The following PBX1 variants were observed in gnomAD, a reference collection of about 807,000 sequenced individuals.
PBX1 encodes PBX homeobox 1, also known as pre-B-cell leukemia transcription factor 1.
PBX1 carries 6 observed loss-of-function variants against 53.4 expected under a neutral mutation model. The observed-to-expected ratio is 0.11, with a 90% CI of 0.06 to 0.22. The LOEUF (loss-of-function observed/expected upper bound fraction) is 0.22, where lower values mean the gene tolerates loss of function less well. Ranked by LOEUF, PBX1 falls within the 10% of genes least tolerant of loss-of-function variation. The pLI is 1.00. For synonymous variants in PBX1, 204 were observed against 212.3 expected (o/e 0.96, Z 0.34); for missense variants, 251 against 551.4 (o/e 0.46, Z 5.46).
chr1:164,845,413 C>T (rs1671520653), intron 8 of PBX1, among the ~76,000 whole-genome samples: 1 of 151,748 alleles, frequency 6.6e-6, no homozygotes, highest in Non-Finnish European at 1.5e-5. Flanking sequence ...CCCATCTCCC[C>T]CAAATTTTTC....
At chr1:164,796,077 G>A (rs190500690) in intron 3 of PBX1, among the ~76,000 whole-genome samples, 1 of 151,214 alleles carries the variant, frequency 6.6e-6, no homozygotes, top group Non-Finnish European at 1.5e-5. Flanking sequence ...GAGTGCAGTG[G>A]CACGATCTCG....
chr1:164,569,437 C>G (rs2101706147), intron 2 of PBX1, among the ~76,000 whole-genome samples: 1 of 151,904 alleles, frequency 6.6e-6, no homozygotes, highest in Non-Finnish European at 1.5e-5. Flanking sequence ...GACTTGTTTT[C>G]TTATATGAAA....
intron 8 of PBX1, among the ~76,000 whole-genome samples, chr1:164,822,674 T>C (rs530512779): frequency 1.3e-5 from 2 of 152,310 alleles, no homozygotes; most frequent in South Asian, 4.1e-4. Flanking sequence ...TGAGGAATGA[T>C]TGAACACATT....
At chr1:164,786,295 C>A (rs1276248979) in intron 2 of PBX1, among the ~76,000 whole-genome samples, 2 of 152,178 alleles carry the variant, frequency 1.3e-5, no homozygotes, top group African/African-American at 4.8e-5. Context: ...CACAGTCTTG[C>A]TGGCAAGATG....
chr1:164,670,129 C>T lies in PBX1; in HGVS notation c.265+106818C>T, dbSNP rs962983240. On this transcript the variant is annotated intron_variant, in intron 2 of 8. Coordinates refer to ENST00000420696, the MANE Select transcript of PBX1 (RefSeq NM_002585.4). ...GACTCTGCCCTCAAGTGACCAGAGG[C>T]GCCTCCTGAGGGCTTCCACCATGGA... Among the ~76,000 whole-genome samples the T allele has an allele frequency of 2.0e-5, 3 of 152,138 alleles. 1 individual carries two copies. Among genetic ancestry groups the T allele is most frequent in the South Asian group, 4.1e-4 (2 of 4,820 alleles).
chr1:164,689,160 C>G (rs1250503004), intron 2 of PBX1, among the ~76,000 whole-genome samples: 1 of 152,182 alleles, frequency 6.6e-6, no homozygotes, highest in African/African-American at 2.4e-5. Context: ...ACGGCAAACA[C>G]CTTCCCAAAG....
At chr1:164,783,871 TC>T (rs996199089) in intron 2 of PBX1, among the ~76,000 whole-genome samples, 2 of 152,198 alleles carry the variant, frequency 1.3e-5, no homozygotes, top group African/African-American at 4.8e-5. Context: ...GCTAGGTGCC[TC>T]ACTGAGACTC....
intron 2 of PBX1, among the ~76,000 whole-genome samples, chr1:164,663,075 A>C (rs1446320245): frequency 6.6e-6 from 1 of 152,228 alleles, no homozygotes; most frequent in Non-Finnish European, 1.5e-5. Context: ...ATAGTTTCCC[A>C]GAAGCCATAG....
chr1:164,632,887 A>G (rs1658498265), intron 2 of PBX1, among the ~76,000 whole-genome samples: 1 of 152,182 alleles, frequency 6.6e-6, no homozygotes, highest in South Asian at 2.1e-4. Flanking sequence ...AAAGTGGGAA[A>G]TGGATTTTAT....
chr1:164,560,332 A>C, intron 1 of PBX1: 1 of 398,752 alleles, frequency 2.5e-6, no homozygotes. Flanking sequence ...GGCCCTCGGC[A>C]CTTTTTACTG....
At chr1:164,860,928 G>T (rs1414436739) in intron 2 of PBX1, among the ~76,000 whole-genome samples, 1 of 152,086 alleles carries the variant, frequency 6.6e-6, no homozygotes, top group Admixed American at 6.6e-5. Flanking sequence ...GCGCAGATGG[G>T]GAAAAGACAG....
chr1:164,835,581 ATATGTTTATTGGCCTTTTG>A (rs1462261221), intron 8 of PBX1, among the ~76,000 whole-genome samples: 1 of 152,046 alleles, frequency 6.6e-6, no homozygotes, highest in Non-Finnish European at 1.5e-5. Context: ...AACATTTTTT[ATATGTTTATTGGCCTTTTG>A]TACATATTCT....
At position 164,846,832 on chromosome 1, in the gene PBX1, A is replaced by T; in HGVS notation, c.*156A>T. 6.8e-7 allele frequency: 1 copy of T among 1,471,786 alleles called. No homozygotes were observed. Among genetic ancestry groups the T allele is most frequent in the Non-Finnish European group, 9.0e-7 (1 of 1,113,664 alleles). 91.2% of individuals were successfully genotyped at this position (1,471,786 alleles called of 1,614,324 possible). On this transcript the variant is annotated 3_prime_UTR_variant, in exon 9 of 9. Transcript: ENST00000420696. ...CTTCTCTTCTCTTCTTTGGGATGCTATTTCAGCCAATCTGGACACTTCTTT... is the reference window on the plus strand; with the variant it reads ...CTTCTCTTCTCTTCTTTGGGATGCTTTTTCAGCCAATCTGGACACTTCTTT...
chr1:164,660,825 C>T (rs572905597), intron 2 of PBX1, among the ~76,000 whole-genome samples: 4 of 152,246 alleles, frequency 2.6e-5, no homozygotes, highest in Admixed American at 2.0e-4. Flanking sequence ...TGGTCTGTGC[C>T]TACAAATAAC....
At chr1:164,626,880 G>A (rs113456980) in intron 2 of PBX1, among the ~76,000 whole-genome samples, 2,058 of 152,132 alleles carry the variant, frequency 0.014, 63 homozygotes, top group African/African-American at 0.047. Flanking sequence ...ATAAAGGTGG[G>A]GAATCTTTAC....
At chr1:164,579,584 G>A (rs1175391976) in intron 2 of PBX1, among the ~76,000 whole-genome samples, 1 of 152,198 alleles carries the variant, frequency 6.6e-6, no homozygotes, top group Non-Finnish European at 1.5e-5. Flanking sequence ...AGGCGTCTCT[G>A]ACTCTTGGAA....
intron 2 of PBX1, among the ~76,000 whole-genome samples, chr1:164,776,529 C>T (rs1039184776): frequency 6.6e-6 from 1 of 152,152 alleles, no homozygotes; most frequent in African/African-American, 2.4e-5. Context: ...TTTTTGAGTC[C>T]TCTTTGTTTT....
At chr1:164,560,493 G>A in intron 1 of PBX1, 1 of 281,378 alleles carries the variant, frequency 3.6e-6, no homozygotes, top group South Asian at 1.7e-4. Flanking sequence ...AATTCAGCGA[G>A]TTTGATTTTC....
intron 2 of PBX1, among the ~76,000 whole-genome samples, chr1:164,876,250 T>TA (rs1672508643): frequency 6.6e-6 from 1 of 152,098 alleles, no homozygotes; most frequent in Admixed American, 6.5e-5. Context: ...GGTTGGCTTC[T>TA]ATATCATTTA....
Sources: gnomAD v4.1 joint callset for allele counts (sites outside exome capture counted in the v4.1 genomes callset) on GRCh38, gnomAD v4.1.1 for gene constraint, MANE v1.5 for transcripts, NCBI Gene and HGNC (gene_info 2026-07-23, HGNC 2026-07-21) for gene names.